Variants in MACF1 observed in about 807,000 individuals in gnomAD.
MACF1 encodes microtubule-actin cross-linking factor 1.
Under a neutral mutation model 854.8 loss-of-function variants are expected in MACF1, and 193 were observed. The ratio of observed to expected loss-of-function variants is 0.23; its 90% CI spans 0.20 to 0.25. MACF1 has a LOEUF of 0.25. Ranked by LOEUF, MACF1 falls within the 10% of genes least tolerant of loss-of-function variation. The pLI is 1.00. For synonymous variants in MACF1, 3,185 were observed against 3,226.7 expected (o/e 0.99, Z 0.44); for missense variants, 7,722 against 8,929.1 (o/e 0.86, Z 5.45).
rs558833098 is a variant in MACF1, at chr1:39,151,782, A to G, written c.220+67344A>G. 2.7e-3 allele frequency among the ~76,000 whole-genome samples: 417 copies of G among 152,144 alleles called. 1 individual carries two copies. Among genetic ancestry groups the G allele is most frequent in the Non-Finnish European group, 4.4e-3 (299 of 68,018 alleles). On this transcript the variant is annotated intron_variant, in intron 2 of 93. Transcript: ENST00000361689. ...GTTAGGTTACTTGTTTGTCTCCCTT[A>G]CTAGATTATAAGCTGAGAGAGGAAA...
chr1:39,358,119 C>T (rs559072920), intron 45 of MACF1, among the ~76,000 whole-genome samples: 2 of 152,222 alleles, frequency 1.3e-5, no homozygotes, highest in Non-Finnish European at 2.9e-5. Flanking sequence ...CTAGCACTGG[C>T]AGGAGTATAT....
chr1:39,379,388 G>A lies in MACF1; in HGVS notation c.13462G>A (p.Ala4488Thr). The A allele has an allele frequency of 6.2e-7, 1 of 1,614,122 alleles. No individual in the cohort carries two copies. Among genetic ancestry groups the A allele is most frequent in the Non-Finnish European group, 8.5e-7 (1 of 1,180,006 alleles). ...AGAGGAAGTCCTGAAATCCATGGAT[G>A]CCATGTCATCTCCAACCAAGACAGA... ...SKEEVLKSMD[A>T]MSSPTKTETV... The change falls in exon 54 of 101, where the codon GCC becomes ACC. Residue 4488 changes from alanine to threonine, a missense_variant. Physicochemically the swap from Ala to Thr is moderately conservative, Grantham distance 58 (BLOSUM62 0). Coordinates refer to ENST00000564288, the MANE Select transcript of MACF1 (RefSeq NM_001394062.1).
intron 2 of MACF1, among the ~76,000 whole-genome samples, chr1:39,156,966 CTTTTTTT>C (rs11287580): frequency 7.3e-6 from 1 of 136,788 alleles, no homozygotes; most frequent in Non-Finnish European, 1.6e-5. Context: ...TTTCCATTAT[CTTTTTTT>C]TTTTTTTTTC....
intron 52 of MACF1, among the ~76,000 whole-genome samples, chr1:39,377,832 C>T (rs1396268396): frequency 1.3e-5 from 2 of 151,896 alleles, no homozygotes; most frequent in African/African-American, 4.8e-5. Context: ...AGTGAAACCC[C>T]GTCTCTACTA....
intron 87 of MACF1, among the ~76,000 whole-genome samples, chr1:39,453,116 G>A (rs142832570): frequency 3.9e-5 from 6 of 151,994 alleles, no homozygotes; most frequent in African/African-American, 7.3e-5. Flanking sequence ...ACCTGCATAC[G>A]CCTTTGTTTG....
At chr1:39,369,020 A>T (rs596991) in intron 50 of MACF1, among the ~76,000 whole-genome samples, 40,837 of 129,026 alleles carry the variant, frequency 0.32, 6,096 homozygotes, top group East Asian at 0.44. Flanking sequence ...TTTTTTTTTT[A>T]AAGATATGGG....
chr1:39,301,928 C>T (rs563645773), intron 22 of MACF1, among the ~76,000 whole-genome samples: 4 of 152,292 alleles, frequency 2.6e-5, no homozygotes, highest in South Asian at 4.1e-4. Context: ...TAACTACATA[C>T]ACCACCAGAA....
intron 100 of MACF1, 190 bp from the exon 101 acceptor site, chr1:39,485,348 C>T (rs1269656658): frequency 6.3e-6 from 4 of 629,956 alleles, no homozygotes; most frequent in African/African-American, 1.9e-5. Context: ...CCCCAGGAGG[C>T]AGCTTCTCAA....
chr1:39,442,680 A>T, intron 77 of MACF1, 34 bp from the exon 78 acceptor site: 1 of 1,611,844 alleles, frequency 6.2e-7, no homozygotes. Context: ...GATGATATCC[A>T]TAGAGATAAA....
In MACF1 at chr1:39,433,082, C is replaced by A; in HGVS notation, c.17492C>A (p.Ser5831Ter). The A allele has an allele frequency of 6.2e-7, 1 of 1,612,044 alleles. No individual in the cohort carries two copies. The highest frequency in any genetic ancestry group is 1.1e-5 in the South Asian group (1 of 90,794). ...FSIDIIRHKD[S>*]MDELFSHRSE... ...ATTGACATTATTCGACACAAAGATT[C>A]AATGGATGAACTCTTCAGTCACCGT... The change falls in exon 68 of 101, where the codon TCA (serine) becomes TAA (stop). Residue 5831 changes from serine to a stop codon, truncating the protein, a stop_gained. Coordinates refer to ENST00000564288, the MANE Select transcript of MACF1 (RefSeq NM_001394062.1). LOFTEE classifies it high-confidence loss of function.
chr1:39,455,757 C>T (rs966141623), intron 89 of MACF1, among the ~76,000 whole-genome samples: 2 of 152,144 alleles, frequency 1.3e-5, no homozygotes, highest in African/African-American at 4.8e-5. Context: ...CTCGCATGAA[C>T]CCAGTGGTCA....
At chr1:39,343,028 C>G (rs1438715358) in intron 40 of MACF1, among the ~76,000 whole-genome samples, 1 of 152,066 alleles carries the variant, frequency 6.6e-6, no homozygotes, top group Non-Finnish European at 1.5e-5. Flanking sequence ...AGTTTGTTGA[C>G]CCCCCTGCTC....
intron 2 of MACF1, among the ~76,000 whole-genome samples, chr1:39,102,420 C>T (rs1642114270): frequency 1.4e-5 from 1 of 73,076 alleles, no homozygotes; most frequent in Non-Finnish European, 2.7e-5. Flanking sequence ...AGAGGAGGAC[C>T]TATTAATTGG....
chr1:39,408,648 A>C (rs1166517524), intron 58 of MACF1, among the ~76,000 whole-genome samples: 1 of 133,912 alleles, frequency 7.5e-6, no homozygotes, highest in African/African-American at 2.8e-5. Context: ...CAGGGGCGGG[A>C]GGGGCCGGGC....
chr1:39,107,724 T>C (rs1642284024), intron 2 of MACF1, among the ~76,000 whole-genome samples: 1 of 152,180 alleles, frequency 6.6e-6, no homozygotes, highest in Non-Finnish European at 1.5e-5. Flanking sequence ...TTTGTGAGGA[T>C]CATGCCACGT....
In MACF1 at chr1:39,377,600, G is replaced by GT. The variant is rs556193947; in HGVS notation, c.13214-855dup. Among the ~76,000 whole-genome samples, 1,098 of 152,162 alleles carry GT rather than the reference G, an allele frequency of 7.2e-3. 20 individuals are homozygous for GT. The highest frequency in any genetic ancestry group is 7.9e-3 in the Non-Finnish European group (535 of 67,988). ...AGATTTATTGGCACTTAGGATTTCTGTTTTTTCTTGGGGAAAGGTGAGCAA... is the reference window on the plus strand; with the variant it reads ...AGATTTATTGGCACTTAGGATTTCTGTTTTTTTCTTGGGGAAAGGTGAGCAA... On this transcript the variant is annotated intron_variant, in intron 52 of 100. Coordinates refer to ENST00000564288, the MANE Select transcript of MACF1 (RefSeq NM_001394062.1).
intron 58 of MACF1, among the ~76,000 whole-genome samples, chr1:39,391,013 A>G (rs1326724746): frequency 6.6e-6 from 1 of 151,902 alleles, no homozygotes; most frequent in Non-Finnish European, 1.5e-5. Context: ...CGGGAGGCTG[A>G]GACAGGAGAA....
At chr1:39,268,669 G>A (rs750938987) in intron 6 of MACF1, 14 of 1,240,598 alleles carry the variant, frequency 1.1e-5, no homozygotes, top group African/African-American at 1.1e-4. Context: ...GCTTAGCTGC[G>A]TTTTTGCTGA....
At chr1:39,125,664 T>C (rs184139845) in intron 2 of MACF1, among the ~76,000 whole-genome samples, 4 of 152,312 alleles carry the variant, frequency 2.6e-5, no homozygotes, top group African/African-American at 9.6e-5. Context: ...CCAGGTCCTG[T>C]CTGTTTTTAA....
Sources: gnomAD v4.1 joint callset for allele counts (sites outside exome capture counted in the v4.1 genomes callset) on GRCh38, gnomAD v4.1.1 for gene constraint, MANE v1.5 for transcripts, NCBI Gene and HGNC (gene_info 2026-07-23, HGNC 2026-07-21) for gene names.